Variants in VSX2 observed in about 807,000 individuals in gnomAD.
The protein encoded by VSX2 is ceh-10 homeo domain containing homolog.
VSX2 carries 28 observed loss-of-function variants against 32.1 expected under a neutral mutation model. That is an observed-to-expected ratio of 0.87 (90% CI 0.65 to 1.20). The LOEUF (loss-of-function observed/expected upper bound fraction) is 1.20. Among genes scored for constraint, VSX2 ranks in the 50% most tolerant of loss-of-function variants. The pLI, the probability that VSX2 is intolerant of heterozygous loss-of-function variation, is 0.00. For missense variants in VSX2, 506 were observed against 488.7 expected, an observed-to-expected ratio of 1.04 and a Z score of -0.33; for synonymous variants, 243 against 214.1, an observed-to-expected ratio of 1.14 and a Z score of -1.18.
intron 3 of VSX2, among the ~76,000 whole-genome samples, chr14:74,254,782 GGA>G (rs2139642346): frequency 1.3e-5 from 1 of 77,302 alleles, no homozygotes; most frequent in Non-Finnish European, 2.3e-5. Flanking sequence ...CCCGAAAAGT[GGA>G]TTTTTTTTTT....
chr14:74,255,956 T>C (rs377437598), intron 3 of VSX2, among the ~76,000 whole-genome samples: 2 of 152,352 alleles, frequency 1.3e-5, no homozygotes, highest in East Asian at 3.9e-4. Context: ...AAATCGAAGC[T>C]GATGGGTTTG....
At chr14:74,244,967 TGTGTGTGTGTGTGTGAGAGA>T (rs2079180237) in intron 2 of VSX2, among the ~76,000 whole-genome samples, 178 bp from the exon 3 acceptor site, 5 of 83,542 alleles carry the variant, frequency 6.0e-5, no homozygotes, top group African/African-American at 2.3e-4. Context: ...TGTGTGTGTG[TGTGTGTGTGTGTGTGAGAGA>T]GAGAGAGAGA....
intron 3 of VSX2, among the ~76,000 whole-genome samples, chr14:74,255,950 C>T (rs1486029027): frequency 1.3e-5 from 2 of 152,166 alleles, no homozygotes; most frequent in Non-Finnish European, 2.9e-5. Context: ...GCTGAGAAAT[C>T]GAAGCTGATG....
intron 3 of VSX2, among the ~76,000 whole-genome samples, chr14:74,250,504 G>T (rs147151157): frequency 6.6e-5 from 10 of 152,270 alleles, no homozygotes; most frequent in African/African-American, 2.4e-4. Flanking sequence ...CCTCTTAGAA[G>T]TCTCGTGTAT....
intron 3 of VSX2, among the ~76,000 whole-genome samples, chr14:74,254,277 G>T (rs1000691668): frequency 1.3e-5 from 2 of 152,182 alleles, no homozygotes; most frequent in Non-Finnish European, 2.9e-5. Flanking sequence ...TGGGCGTGCT[G>T]CCAGGTGCCT....
At chr14:74,244,579 T>C (rs1027169342) in intron 2 of VSX2, among the ~76,000 whole-genome samples, 1 of 152,066 alleles carries the variant, frequency 6.6e-6, no homozygotes, top group Non-Finnish European at 1.5e-5. Context: ...CATTCAAAAA[T>C]TCAGCTCTAG....
At chr14:74,246,706 C>T (rs562278374) in intron 3 of VSX2, among the ~76,000 whole-genome samples, 1 of 152,124 alleles carries the variant, frequency 6.6e-6, no homozygotes, top group South Asian at 2.1e-4. Flanking sequence ...CAGGTGGCTG[C>T]GGCAGGGAGG....
chr14:74,253,048 C>CCAA (rs2079240181), intron 3 of VSX2, among the ~76,000 whole-genome samples: 1 of 95,448 alleles, frequency 1.0e-5, no homozygotes, highest in African/African-American at 3.7e-5. Flanking sequence ...GACTCCATCT[C>CCAA]AAAAAAAAAA....
chr14:74,256,590 C>T (rs1012935500), intron 3 of VSX2, among the ~76,000 whole-genome samples: 1 of 151,856 alleles, frequency 6.6e-6, no homozygotes, highest in Non-Finnish European at 1.5e-5. Context: ...TGTGGTCACA[C>T]TTGGTGTCTG....
At chr14:74,241,634 C>G (rs2079151103) in intron 2 of VSX2, among the ~76,000 whole-genome samples, 1 of 152,240 alleles carries the variant, frequency 6.6e-6, no homozygotes, top group Non-Finnish European at 1.5e-5. Context: ...GCTCCCACCT[C>G]CTGCCAGAGC....
chr14:74,255,620 G>A (rs907126046), intron 3 of VSX2, among the ~76,000 whole-genome samples: 2 of 152,110 alleles, frequency 1.3e-5, no homozygotes, highest in Non-Finnish European at 2.9e-5. Context: ...TCAGAATCCC[G>A]AGTCTGCACC....
chr14:74,249,949 C>G (rs2079218522), intron 3 of VSX2, among the ~76,000 whole-genome samples: 1 of 151,032 alleles, frequency 6.6e-6, no homozygotes, highest in East Asian at 1.9e-4. Flanking sequence ...TTCTTTGTGT[C>G]TTAAATAAAT....
In VSX2 at chr14:74,239,599, A is replaced by G. The variant is rs1566882583; in HGVS notation, c.38A>G (p.Lys13Arg). 1 of 1,551,322 alleles carries G rather than the reference A, an allele frequency of 6.4e-7. No individual in the cohort carries two copies. The highest frequency in any genetic ancestry group is 1.2e-5 in the South Asian group (1 of 84,054). ...GKAGEALSKPKSETVAKSTSG... is the reference protein window; with the variant it reads ...GKAGEALSKPRSETVAKSTSG... ...GCAGGGGAAGCGCTGAGCAAGCCCA[A>G]ATCCGAGACAGTGGCCAAGAGTACC... Residue 13 changes from lysine (K) to arginine (R), a missense_variant, in exon 1 of 5, where the codon AAA becomes AGA. Lys to Arg is a conservative substitution (Grantham distance 26). Transcript: ENST00000261980.
intron 2 of VSX2, among the ~76,000 whole-genome samples, chr14:74,242,158 A>G (rs2079154474): frequency 6.6e-6 from 1 of 151,344 alleles, no homozygotes; most frequent in Non-Finnish European, 1.5e-5. Flanking sequence ...AGAACCAAAA[A>G]TCTGCCTGCC....
At chr14:74,241,078 TC>T in intron 1 of VSX2, 103 bp from the exon 2 acceptor site, 1 of 1,194,606 alleles carries the variant, frequency 8.4e-7, no homozygotes, top group Non-Finnish European at 1.2e-6. Context: ...ACAGAGCAGG[TC>T]CCCGCCGCTC....
At chr14:74,249,950 T>TTAAATAAA (rs201580559) in intron 3 of VSX2, among the ~76,000 whole-genome samples, 2 of 152,040 alleles carry the variant, frequency 1.3e-5, no homozygotes, top group Non-Finnish European at 2.9e-5. Context: ...TCTTTGTGTC[T>TTAAATAAA]TAAATAAATA....
intron 1 of VSX2, 89 bp downstream of exon 1, chr14:74,240,020 TCCAGGCGGAAAAGTTCCTG>T: frequency 6.7e-7 from 1 of 1,496,828 alleles, no homozygotes; most frequent in Non-Finnish European, 8.9e-7. Context: ...GGACCAGGCC[TCCAGGCGGAAAAGTTCCTG>T]CCAGGCCGGG....
At position 74,261,055 on chromosome 14, in the gene VSX2, C is replaced by G; in HGVS notation, c.*136C>G. On this transcript the variant is annotated 3_prime_UTR_variant, in exon 5 of 5. Transcript: ENST00000261980. ...CTGTTCCCCACAGGTCCTCCATCAC[C>G]CCTGGTGGCTGCAGGCACCGCTGGG... is the stretch of plus-strand genomic sequence containing the variant. 1.9e-6 allele frequency: 2 copies of G among 1,060,200 alleles called. No homozygotes were observed. Among genetic ancestry groups the G allele is most frequent in the Non-Finnish European group, 1.4e-6 (1 of 731,264 alleles). The allele number at this position is 1,060,200 out of a possible 1,614,324, so 65.7% of individuals were successfully genotyped here.
At chr14:74,246,032 C>T (rs1253195165) in intron 3 of VSX2, among the ~76,000 whole-genome samples, 1 of 152,200 alleles carries the variant, frequency 6.6e-6, no homozygotes, top group Non-Finnish European at 1.5e-5. Context: ...TCCAGAGTCC[C>T]CTACTTGGGC....
Sources: allele counts gnomAD v4.1 joint callset (sites outside exome capture counted in the v4.1 genomes callset), GRCh38; gene constraint gnomAD v4.1.1; transcripts MANE v1.5; gene names NCBI Gene and HGNC (gene_info 2026-07-23, HGNC 2026-07-21).